THSD7B: variants seen among roughly 807,000 people sequenced by gnomAD.
THSD7B encodes the protein thrombospondin type 1 domain containing 7B, also known as thrombospondin type-1 domain-containing protein 7B.
A neutral mutation model predicts 213.6 loss-of-function variants in THSD7B; 138 were observed. That is an observed-to-expected ratio of 0.65 (90% CI 0.56 to 0.74). The LOEUF (loss-of-function observed/expected upper bound fraction) is 0.74, where lower values mean the gene tolerates loss of function less well. Among genes scored for constraint, THSD7B ranks in the 30% least tolerant of loss-of-function variants. The pLI is 0.00. For synonymous variants in THSD7B, 742 were observed against 687.0 expected (o/e 1.08, Z -1.25); for missense variants, 1,931 against 1,991.5 (o/e 0.97, Z 0.58).
At chr2:137,118,682 T>C (rs1688487595) in intron 5 of THSD7B, among the ~76,000 whole-genome samples, 1 of 152,160 alleles carries the variant, frequency 6.6e-6, no homozygotes, top group South Asian at 2.1e-4. Flanking sequence ...GTCTTCATTC[T>C]GGCCTCAGAG....
rs532569581 is a variant in THSD7B, at chr2:137,150,039, C to T, written c.1370-10174C>T. On this transcript the variant is annotated intron_variant, in intron 5 of 27. Coordinates refer to ENST00000409968, the MANE Select transcript of THSD7B (RefSeq NM_001316349.2). The stretch of plus-strand genomic sequence containing the variant: ...GGCAGATCACCTGAGGTCAGGAGTT[C>T]GAGACCAGCCTGACCAACATGGAGA... Among the ~76,000 whole-genome samples the T allele has an allele frequency of 2.6e-5, 4 of 152,086 alleles. No individual in the cohort carries two copies. The East Asian group carries it at 5.8e-4, about 22-fold the overall frequency.
chr2:137,124,068 G>T (rs898076682), intron 5 of THSD7B, among the ~76,000 whole-genome samples: 7 of 152,116 alleles, frequency 4.6e-5, no homozygotes, highest in African/African-American at 1.7e-4. Context: ...CCAGTTGTTC[G>T]CATACACCTG....
chr2:137,117,702 G>A (rs114038628), intron 5 of THSD7B, among the ~76,000 whole-genome samples: 3,524 of 152,120 alleles, frequency 0.023, 145 homozygotes, highest in African/African-American at 0.08. Flanking sequence ...CTGATTCCAA[G>A]CACCTGATTT....
Position 137,056,880 on chromosome 2 carries a change from G to A in THSD7B, c.600G>A (p.Gln200=), listed in dbSNP as rs778442862. ...NCSKGCGKKL[Q]HRTRAVIAPP... is the part of the protein sequence containing the mutation. The stretch of plus-strand genomic sequence containing the variant: ...GCAAGGGATGTGGGAAGAAATTGCA[G>A]CATAGAACTCGCGCGGTCATAGCTC... Residue 200 remains glutamine, a synonymous_variant, in exon 3 of 28, where the codon CAG becomes CAA. Coordinates refer to ENST00000409968, the MANE Select transcript of THSD7B (RefSeq NM_001316349.2). The A allele has an allele frequency of 1.2e-6, 2 of 1,613,814 alleles. No homozygotes were observed. Among genetic ancestry groups the A allele is most frequent in the East Asian group, 4.5e-5 (2 of 44,884 alleles).
intron 15 of THSD7B, among the ~76,000 whole-genome samples, chr2:137,501,783 G>T (rs1679712628): frequency 6.6e-6 from 1 of 152,196 alleles, no homozygotes; most frequent in South Asian, 2.1e-4. Context: ...AAGGAAATTA[G>T]CATCTCTGAA....
At chr2:137,490,346 A>G (rs1018975561) in intron 15 of THSD7B, among the ~76,000 whole-genome samples, 2 of 152,224 alleles carry the variant, frequency 1.3e-5, no homozygotes, top group African/African-American at 2.4e-5. Context: ...CACAAAGACC[A>G]TATCTAAAAA....
At chr2:137,622,883 C>T (rs1267829416) in intron 20 of THSD7B, among the ~76,000 whole-genome samples, 1 of 152,084 alleles carries the variant, frequency 6.6e-6, no homozygotes, top group Admixed American at 6.6e-5. Flanking sequence ...GATTCACAGC[C>T]GATTCTACCA....
chr2:137,381,921 C>T (rs1685785133), intron 12 of THSD7B, among the ~76,000 whole-genome samples: 2 of 152,264 alleles, frequency 1.3e-5, no homozygotes, highest in Admixed American at 1.3e-4. Flanking sequence ...GGCCACTGGA[C>T]GACTGGAGGC....
At chr2:137,111,626 G>A (rs1209650536) in intron 4 of THSD7B, among the ~76,000 whole-genome samples, 8 of 152,130 alleles carry the variant, frequency 5.3e-5, no homozygotes, top group Non-Finnish European at 1.2e-4. Flanking sequence ...GCGGTGCCTG[G>A]TATACAGTAA....
chr2:137,584,635 T>C (rs1466823528), intron 17 of THSD7B, among the ~76,000 whole-genome samples: 1 of 152,154 alleles, frequency 6.6e-6, no homozygotes, highest in East Asian at 1.9e-4. Flanking sequence ...TGCTGGATTA[T>C]GTTTATTGAT....
intron 12 of THSD7B, among the ~76,000 whole-genome samples, chr2:137,324,142 T>G (rs1290866568): frequency 6.6e-6 from 1 of 152,162 alleles, no homozygotes; most frequent in Non-Finnish European, 1.5e-5. Context: ...AAGCACATAG[T>G]GTAATTTTCA....
At chr2:137,658,012 A>G (rs562797636) in intron 24 of THSD7B, among the ~76,000 whole-genome samples, 1 of 152,260 alleles carries the variant, frequency 6.6e-6, no homozygotes, top group South Asian at 2.1e-4. Context: ...CGCCCGGCCA[A>G]TTTTTGAGAT....
intron 2 of THSD7B, among the ~76,000 whole-genome samples, chr2:136,961,888 G>A (rs572553353): frequency 6.6e-6 from 1 of 152,280 alleles, no homozygotes; most frequent in East Asian, 1.9e-4. Context: ...TTTCATTGGT[G>A]GTAGGAAGAC....
intron 1 of THSD7B, among the ~76,000 whole-genome samples, chr2:136,852,173 A>G (rs1310069304): frequency 6.6e-6 from 1 of 152,100 alleles, no homozygotes; most frequent in Non-Finnish European, 1.5e-5. Context: ...AGAGTAATGC[A>G]GAAGAGATAC....
chr2:137,377,824 A>G (rs769177368), intron 12 of THSD7B, among the ~76,000 whole-genome samples: 4 of 151,872 alleles, frequency 2.6e-5, no homozygotes, highest in South Asian at 2.1e-4. Context: ...ACAGGGTTTC[A>G]CCATGTTGGC....
At position 137,009,434 on chromosome 2, in the gene THSD7B, G is replaced by T. The variant is rs866706114; in HGVS notation, c.140-46986G>T. ...CATATCTGGTCTCTACCCAATAGAA[G>T]TCAGAAAAACCTCCTCCCCCATTCA... On this transcript the variant is annotated intron_variant, in intron 2 of 27. Coordinates refer to ENST00000409968, the MANE Select transcript of THSD7B (RefSeq NM_001316349.2). Among the ~76,000 whole-genome samples the T allele has an allele frequency of 2.6e-5, 4 of 152,074 alleles. No homozygotes were observed. The East Asian group carries it at 7.7e-4, about 29-fold the overall frequency.
chr2:137,203,670 G>A (rs1680923036), intron 7 of THSD7B, among the ~76,000 whole-genome samples: 1 of 151,990 alleles, frequency 6.6e-6, no homozygotes, highest in African/African-American at 2.4e-5. Context: ...TAGTTATAGT[G>A]ACATTGGGGA....
At chr2:137,558,699 G>C (rs1158229272) in intron 15 of THSD7B, among the ~76,000 whole-genome samples, 1 of 151,660 alleles carries the variant, frequency 6.6e-6, no homozygotes, top group Non-Finnish European at 1.5e-5. Context: ...ACATAGTGTT[G>C]GAAGTTCTGG....
intron 2 of THSD7B, among the ~76,000 whole-genome samples, chr2:137,042,528 CT>C (rs1054961816): frequency 3.9e-5 from 6 of 152,048 alleles, no homozygotes; most frequent in Non-Finnish European, 8.8e-5. Flanking sequence ...AAAATGAAAA[CT>C]TTTAGTTTTG....
Sources: gnomAD v4.1 joint callset for allele counts (sites outside exome capture counted in the v4.1 genomes callset) on GRCh38, gnomAD v4.1.1 for gene constraint, MANE v1.5 for transcripts, NCBI Gene and HGNC (gene_info 2026-07-23, HGNC 2026-07-21) for gene names.